Variants in OPCML observed in about 807,000 individuals in gnomAD.
The protein encoded by OPCML is opioid binding protein/cell adhesion molecule like.
Under a neutral mutation model 37.8 loss-of-function variants are expected in OPCML, and 13 were observed. The observed-to-expected ratio is 0.34, with a 90% CI of 0.22 to 0.55. The LOEUF (loss-of-function observed/expected upper bound fraction) is 0.55. Ranked by LOEUF, OPCML falls within the 20% of genes least tolerant of loss-of-function variation. OPCML has a pLI of 0.91. For missense variants in OPCML, 341 were observed against 435.6 expected (o/e 0.78, Z 1.93); for synonymous variants, 176 against 168.8 (o/e 1.04, Z -0.33).
intron 1 of OPCML, among the ~76,000 whole-genome samples, chr11:133,526,975 C>T (rs2120741653): frequency 6.6e-6 from 1 of 152,334 alleles, no homozygotes; most frequent in Non-Finnish European, 1.5e-5. Context: ...TCAGCAGCCA[C>T]AGACCATCTG....
At chr11:133,098,481 C>G (rs1163643340) in intron 1 of OPCML, among the ~76,000 whole-genome samples, 1 of 152,170 alleles carries the variant, frequency 6.6e-6, no homozygotes, top group Non-Finnish European at 1.5e-5. Context: ...TCCCAAAGTG[C>G]TGGGATTACA....
chr11:132,514,569 A>G (rs2096275705), intron 4 of OPCML, among the ~76,000 whole-genome samples: 1 of 152,164 alleles, frequency 6.6e-6, no homozygotes, highest in African/African-American at 2.4e-5. Context: ...TTCCAGCTAC[A>G]CGCAGCCTCT....
intron 1 of OPCML, among the ~76,000 whole-genome samples, chr11:133,344,224 C>T (rs916303189): frequency 3.9e-5 from 6 of 152,158 alleles, no homozygotes; most frequent in Non-Finnish European, 7.3e-5. Context: ...ACGATCTGGC[C>T]GCCCCAGGTG....
intron 2 of OPCML, among the ~76,000 whole-genome samples, chr11:132,868,629 T>C (rs1942669623): frequency 6.6e-6 from 1 of 152,070 alleles, no homozygotes; most frequent in African/African-American, 2.4e-5. Flanking sequence ...TGCACCAAAT[T>C]TCTTTAGGGA....
At chr11:132,458,347 C>G (rs897571987) in intron 4 of OPCML, among the ~76,000 whole-genome samples, 1 of 152,096 alleles carries the variant, frequency 6.6e-6, no homozygotes, top group Non-Finnish European at 1.5e-5. Flanking sequence ...GTGAACACAC[C>G]CCTGACTAGG....
chr11:132,690,599 C>A (rs186484993), intron 2 of OPCML, among the ~76,000 whole-genome samples: 1 of 152,284 alleles, frequency 6.6e-6, no homozygotes, highest in East Asian at 1.9e-4. Context: ...CCAAACCATT[C>A]TTTTTTCCTT....
intron 2 of OPCML, among the ~76,000 whole-genome samples, chr11:132,841,700 A>G (rs964309488): frequency 4.6e-5 from 7 of 151,824 alleles, no homozygotes; most frequent in Non-Finnish European, 5.9e-5. Flanking sequence ...ATCTCTCCTA[A>G]AAATATAAAA....
chr11:132,674,343 T>G (rs2135827417), intron 2 of OPCML, among the ~76,000 whole-genome samples: 1 of 152,308 alleles, frequency 6.6e-6, no homozygotes, highest in East Asian at 1.9e-4. Flanking sequence ...AGGAAGCATT[T>G]AAATCTGCAG....
At chr11:133,222,803 G>T (rs75001957) in intron 1 of OPCML, among the ~76,000 whole-genome samples, 9 of 151,650 alleles carry the variant, frequency 5.9e-5, no homozygotes, top group African/African-American at 2.2e-4. Flanking sequence ...GGAGGTGGGG[G>T]GAGCAAAGGG....
rs1040824448 is a variant in OPCML, at chr11:133,173,700, C to T, written c.62-230690G>A. On this transcript the variant is annotated intron_variant, in intron 1 of 7. Coordinates refer to ENST00000524381, the MANE Select transcript of OPCML (RefSeq NM_001012393.5). This position sits in a 1 kb window ranked among gnomAD's most constrained non-coding sequence, Gnocchi z 7.8. ...AGATAATAACGAGAACCATCAGCACCGACTTAGCTTCAATCCTGTGGCAGT... is the reference window on the plus strand; with the variant it reads ...AGATAATAACGAGAACCATCAGCACTGACTTAGCTTCAATCCTGTGGCAGT... Among the ~76,000 whole-genome samples the T allele has an allele frequency of 1.3e-5, 2 of 152,270 alleles. No homozygotes were observed. The highest frequency in any genetic ancestry group is 2.4e-5 in the African/African-American group (1 of 41,558).
At chr11:132,499,939 A>G (rs2096242076) in intron 4 of OPCML, among the ~76,000 whole-genome samples, 2 of 152,180 alleles carry the variant, frequency 1.3e-5, no homozygotes, top group Non-Finnish European at 2.9e-5. Flanking sequence ...GAAGAACCCA[A>G]GTATAGGCCT....
At chr11:132,995,092 G>C (rs1946857555) in intron 1 of OPCML, among the ~76,000 whole-genome samples, 1 of 152,146 alleles carries the variant, frequency 6.6e-6, no homozygotes. Flanking sequence ...AACCAAATAC[G>C]TACATCTGCA....
At chr11:133,170,160 G>A (rs1181923500) in intron 1 of OPCML, among the ~76,000 whole-genome samples, 2 of 152,114 alleles carry the variant, frequency 1.3e-5, no homozygotes, top group African/African-American at 4.8e-5. Context: ...ATCCATCTAT[G>A]ATTTACTTTT....
chr11:132,492,704 C>A (rs1305649515), intron 4 of OPCML, among the ~76,000 whole-genome samples: 1 of 152,108 alleles, frequency 6.6e-6, no homozygotes, highest in Non-Finnish European at 1.5e-5. Context: ...TGAGCATCAT[C>A]AGCAAATCAA....
At chr11:132,441,165 G>GC (rs2096031824) in intron 4 of OPCML, among the ~76,000 whole-genome samples, 1 of 72,402 alleles carries the variant, frequency 1.4e-5, no homozygotes, top group Non-Finnish European at 2.3e-5. Flanking sequence ...GGACTTTTTT[G>GC]TTTTTTTTTT....
intron 2 of OPCML, among the ~76,000 whole-genome samples, chr11:132,825,467 C>T (rs1236812561): frequency 6.6e-6 from 1 of 152,126 alleles, no homozygotes; most frequent in Non-Finnish European, 1.5e-5. Context: ...CATTTTTGAA[C>T]CCATCTATGC....
intron 4 of OPCML, among the ~76,000 whole-genome samples, chr11:132,480,870 C>T (rs968207847): frequency 3.3e-5 from 5 of 151,740 alleles, no homozygotes; most frequent in Middle Eastern, 3.2e-3. Flanking sequence ...CTGAATGAAG[C>T]GCTAAACATG....
At chr11:133,379,032 G>A (rs756922517) in intron 1 of OPCML, among the ~76,000 whole-genome samples, 1 of 152,136 alleles carries the variant, frequency 6.6e-6, no homozygotes, top group Non-Finnish European at 1.5e-5. Flanking sequence ...GCTGGGATTA[G>A]AGGCATGAGC....
chr11:132,447,694 C>T (rs897367500), intron 4 of OPCML, among the ~76,000 whole-genome samples: 2 of 152,198 alleles, frequency 1.3e-5, no homozygotes, highest in Admixed American at 6.5e-5. Context: ...ATACTCCTAG[C>T]CTACTGAAAG....
Sources: allele counts gnomAD v4.1 joint callset (sites outside exome capture counted in the v4.1 genomes callset), GRCh38; gene constraint gnomAD v4.1.1; non-coding constraint Gnocchi (gnomAD v3.1); transcripts MANE v1.5; gene names NCBI Gene and HGNC (gene_info 2026-07-23, HGNC 2026-07-21).